The following ATF7IP variants were observed in gnomAD, a reference collection of about 807,000 sequenced individuals.
The protein encoded by ATF7IP is activating transcription factor 7 interacting protein, also known as activating transcription factor 7-interacting protein 1.
In ATF7IP, 23 loss-of-function variants were observed where a neutral mutation model predicts 106.4. That is an observed-to-expected ratio of 0.22 (90% CI 0.16 to 0.31). ATF7IP has a LOEUF of 0.31. Among genes scored for constraint, ATF7IP ranks in the 10% least tolerant of loss-of-function variants. The pLI is 1.00. For synonymous variants in ATF7IP, 542 were observed against 539.0 expected (o/e 1.01, Z -0.08); for missense variants, 1,334 against 1,524.3 (o/e 0.88, Z 2.08).
rs868717588 is a variant in ATF7IP, at chr12:14,473,296, G to A, written c.2863-2594G>A. On this transcript the variant is annotated intron_variant, in intron 10 of 14. Transcript: ENST00000261168. ...GCGCGCTCTCTCTCTCTCTCTGTGTGTGTGTGTGTGTGTGTGTGTGTGTGT... is the reference window on the plus strand; with the variant it reads ...GCGCGCTCTCTCTCTCTCTCTGTGTATGTGTGTGTGTGTGTGTGTGTGTGT... 6.4e-3 allele frequency among the ~76,000 whole-genome samples: 799 copies of A among 125,478 alleles called. 5 individuals are homozygous for A. Among genetic ancestry groups the A allele is most frequent in the East Asian group, 0.025 (127 of 5,080 alleles). 82.3% of individuals were successfully genotyped at this position (125,478 alleles called of 152,430 possible). A position where few individuals can be genotyped will look rare whatever the true frequency, so the allele number is the denominator to read the frequency against.
intron 14 of ATF7IP, 75 bp from the exon 15 acceptor site, chr12:14,497,579 A>G: frequency 7.3e-7 from 1 of 1,363,658 alleles, no homozygotes; most frequent in Non-Finnish European, 1.0e-6. Context: ...TATGTTCTCT[A>G]AGGTGTTTTA....
rs183664506 is a variant in ATF7IP at position 14,465,623 on chromosome 12, C to A, written c.2798-903C>A. 1.3e-4 allele frequency among the ~76,000 whole-genome samples: 20 copies of A among 152,186 alleles called. 1 individual carries two copies. Among genetic ancestry groups the A allele is most frequent in the Admixed American group, 1.2e-3 (18 of 15,296 alleles). ...GAGAAATCAAAGGGCATTCTTTTTA[C>A]TTCTGTACCCTGGAATACTTCTCTT... On this transcript the variant is annotated intron_variant, in intron 9 of 14. Coordinates refer to ENST00000261168, the MANE Select transcript of ATF7IP (RefSeq NM_018179.5).
At chr12:14,381,223 A>T (rs945780988) in intron 1 of ATF7IP, among the ~76,000 whole-genome samples, 3 of 152,036 alleles carry the variant, frequency 2.0e-5, no homozygotes, top group African/African-American at 7.2e-5. Context: ...CATTAGTTAC[A>T]ACTGGTCGTG....
At chr12:14,450,999 T>C (rs558881327) in intron 6 of ATF7IP, among the ~76,000 whole-genome samples, 6 of 152,064 alleles carry the variant, frequency 3.9e-5, no homozygotes, top group Non-Finnish European at 5.9e-5. Context: ...GGTCTTGAAC[T>C]CCTGACCTCA....
intron 1 of ATF7IP, among the ~76,000 whole-genome samples, chr12:14,412,180 G>A (rs1237633071): frequency 6.6e-6 from 1 of 152,104 alleles, no homozygotes; most frequent in African/African-American, 2.4e-5. Flanking sequence ...CTAGGTTATT[G>A]TAGCTTTGTA....
Position 14,498,006 on chromosome 12 carries a change from A to T in ATF7IP, c.3746A>T (p.Tyr1249Phe). Residue 1249 changes from tyrosine (Y) to phenylalanine (F), a missense_variant, in exon 15 of 15, where the codon TAT (tyrosine) becomes TTT (phenylalanine). Physicochemically the swap from Tyr to Phe is conservative, Grantham distance 22. Around this residue, in one of 10 missense-constraint regions of ATF7IP, gnomAD observed 80 missense variants for 157.0 expected, o/e 0.51. Transcript: ENST00000261168. ...YYFAVRAKDI[Y>F]GRFGPFCDPQ... ...TTTGCAGTACGAGCCAAGGATATTT[A>T]TGGACGTTTTGGGCCTTTCTGTGAT... 6.2e-7 allele frequency: 1 copy of T among 1,613,888 alleles called. No homozygotes were observed. The highest frequency in any genetic ancestry group is 8.5e-7 in the Non-Finnish European group (1 of 1,179,728).
chr12:14,391,946 C>T (rs1163647665), intron 1 of ATF7IP, among the ~76,000 whole-genome samples: 1 of 152,170 alleles, frequency 6.6e-6, no homozygotes, highest in East Asian at 1.9e-4. Context: ...GTCTCGAACT[C>T]CTGACCTCAA....
intron 11 of ATF7IP, among the ~76,000 whole-genome samples, 181 bp from the exon 12 acceptor site, chr12:14,478,136 G>C (rs527964826): frequency 2.6e-5 from 4 of 152,274 alleles, no homozygotes. Flanking sequence ...AATTACATAT[G>C]CTCTTAACTC....
Position 14,460,883 on chromosome 12 carries a change from T to C in ATF7IP, c.2547T>C (p.Ser849=). The C allele has an allele frequency of 1.2e-6, 2 of 1,614,224 alleles. No homozygotes were observed. Among genetic ancestry groups the C allele is most frequent in the Non-Finnish European group, 1.7e-6 (2 of 1,180,040 alleles). ...CCACTAAACCAAACAACGTTCCTTC[T>C]GTGCCCAGTCCTAGTATTCAAAGGA... The part of the protein sequence containing the change: ...PNPTKPNNVP[S]VPSPSIQRNP... The change falls in exon 9 of 15, where the codon TCT becomes TCC. Residue 849 remains serine, a synonymous_variant. Transcript: ENST00000261168.
intron 13 of ATF7IP, among the ~76,000 whole-genome samples, chr12:14,494,932 C>CAAAA (rs34929652): frequency 1.3e-5 from 1 of 79,138 alleles, no homozygotes; most frequent in Non-Finnish European, 2.4e-5. Context: ...GACTCTGTCT[C>CAAAA]AAAAAAAAAA....
Position 14,474,211 on chromosome 12 carries a change from T to G in ATF7IP, c.2863-1679T>G, listed in dbSNP as rs536664512. 1.2e-3 allele frequency among the ~76,000 whole-genome samples: 188 copies of G among 152,032 alleles called. 1 individual carries two copies. Among genetic ancestry groups the G allele is most frequent in the African/African-American group, 4.3e-3 (178 of 41,538 alleles). On this transcript the variant is annotated intron_variant, in intron 10 of 14. Transcript: ENST00000261168. ...TCTTTGTGTCCTATGGACTAGAAAATTTCTATTGATCTAGCATCAATTTCA... is the reference window on the plus strand; with the variant it reads ...TCTTTGTGTCCTATGGACTAGAAAAGTTCTATTGATCTAGCATCAATTTCA...
intron 1 of ATF7IP, among the ~76,000 whole-genome samples, chr12:14,370,715 G>T (rs1199820652): frequency 1.3e-5 from 2 of 152,146 alleles, no homozygotes; most frequent in Admixed American, 1.3e-4. Context: ...TTTTCTTGGT[G>T]CAGCTATAAT....
intron 1 of ATF7IP, among the ~76,000 whole-genome samples, chr12:14,418,150 C>T (rs1404626788): frequency 6.6e-6 from 1 of 151,884 alleles, no homozygotes; most frequent in Non-Finnish European, 1.5e-5. Flanking sequence ...AAAAAAATTT[C>T]CAAGCCAGAG....
intron 1 of ATF7IP, among the ~76,000 whole-genome samples, chr12:14,394,582 T>G (rs1265813820): frequency 6.6e-6 from 1 of 152,204 alleles, no homozygotes; most frequent in East Asian, 1.9e-4. Flanking sequence ...TAAATTGTCC[T>G]TACTGGCGCC....
intron 1 of ATF7IP, among the ~76,000 whole-genome samples, chr12:14,416,496 A>G (rs1360818633): frequency 6.6e-6 from 1 of 152,212 alleles, no homozygotes; most frequent in Admixed American, 6.5e-5. Context: ...AGTATACTTC[A>G]TCAGATATTC....
chr12:14,416,600 A>G (rs1365360165), intron 1 of ATF7IP, among the ~76,000 whole-genome samples: 1 of 152,162 alleles, frequency 6.6e-6, no homozygotes, highest in African/African-American at 2.4e-5. Flanking sequence ...CTGTTCTTGG[A>G]AAGCAGTACA....
At chr12:14,407,358 G>T (rs1940646973) in intron 1 of ATF7IP, among the ~76,000 whole-genome samples, 1 of 147,394 alleles carries the variant, frequency 6.8e-6, no homozygotes, top group South Asian at 2.2e-4. Context: ...AAATTAAAAG[G>T]TTTTTTTTTT....
intron 6 of ATF7IP, among the ~76,000 whole-genome samples, chr12:14,452,311 T>G (rs1460110359): frequency 6.6e-6 from 1 of 152,222 alleles, no homozygotes; most frequent in African/African-American, 2.4e-5. Context: ...ACCTGTCGTT[T>G]GATTGGAGAA....
intron 2 of ATF7IP, among the ~76,000 whole-genome samples, chr12:14,431,023 TTAGAATAAAGTTC>T: frequency 6.6e-6 from 1 of 152,372 alleles, no homozygotes; most frequent in South Asian, 2.1e-4. Flanking sequence ...CCATTTTTCC[TTAGAATAAAGTTC>T]TATAAAGTAT....
Sources: gnomAD v4.1 joint callset for allele counts (sites outside exome capture counted in the v4.1 genomes callset) on GRCh38, gnomAD v4.1.1 for gene constraint, gnomAD v4.1.1 regional missense constraint, MANE v1.5 for transcripts, NCBI Gene and HGNC (gene_info 2026-07-23, HGNC 2026-07-21) for gene names.